Variants in DIPK1A observed in about 807,000 individuals in gnomAD.
DIPK1A encodes the protein divergent protein kinase domain 1A.
In DIPK1A, 27 loss-of-function variants were observed where a neutral mutation model predicts 40.8. The ratio of observed to expected loss-of-function variants is 0.66; its 90% confidence interval spans 0.49 to 0.91. The LOEUF (loss-of-function observed/expected upper bound fraction) is 0.91, where lower values mean the gene tolerates loss of function less well. Among genes scored for constraint, DIPK1A ranks in the 40% least tolerant of loss-of-function variants. The pLI is 0.00. For synonymous variants in DIPK1A, 166 were observed against 171.3 expected (o/e 0.97, Z 0.24); for missense variants, 412 against 505.7 (o/e 0.81, Z 1.78).
intron 2 of DIPK1A, among the ~76,000 whole-genome samples, chr1:92,873,357 G>A (rs1352315400): frequency 6.6e-6 from 1 of 152,180 alleles, no homozygotes; most frequent in East Asian, 1.9e-4. Context: ...CCTTACGCCT[G>A]TAATCCCAGC....
chr1:92,923,296 G>A (rs558087424), intron 1 of DIPK1A, among the ~76,000 whole-genome samples: 10 of 152,044 alleles, frequency 6.6e-5, no homozygotes, highest in East Asian at 5.8e-4. Context: ...CCACCACCAC[G>A]CCTGGGTAAT....
chr1:92,881,399 G>A (rs1648371446), intron 1 of DIPK1A, among the ~76,000 whole-genome samples: 1 of 150,402 alleles, frequency 6.6e-6, no homozygotes, highest in South Asian at 2.1e-4. Context: ...CTTTTTAAGA[G>A]GTGAATTTTA....
chr1:92,841,555 C>T (rs1416281493), downstream of DIPK1A, among the ~76,000 whole-genome samples: 1 of 152,048 alleles, frequency 6.6e-6, no homozygotes, highest in African/African-American at 2.4e-5. Flanking sequence ...ACTTTTGGCC[C>T]TATGGTAGTA....
intron 2 of DIPK1A, among the ~76,000 whole-genome samples, chr1:92,857,606 A>G (rs1256187775): frequency 6.6e-6 from 1 of 152,124 alleles, no homozygotes; most frequent in Non-Finnish European, 1.5e-5. Context: ...TACAGGAGTG[A>G]GCCACCGTGC....
intron 1 of DIPK1A, among the ~76,000 whole-genome samples, chr1:92,896,165 A>C (rs1181357031): frequency 2.0e-5 from 3 of 152,208 alleles, no homozygotes; most frequent in Non-Finnish European, 4.4e-5. Flanking sequence ...TTTAAAGTTC[A>C]TATGGAACCA....
intron 2 of DIPK1A, among the ~76,000 whole-genome samples, chr1:92,858,358 T>C (rs1281807395): frequency 6.6e-6 from 1 of 152,234 alleles, no homozygotes; most frequent in Non-Finnish European, 1.5e-5. Context: ...TCTAACATTA[T>C]TTGTGTCCAA....
intron 2 of DIPK1A, among the ~76,000 whole-genome samples, chr1:92,856,501 T>A (rs1317129457): frequency 6.6e-6 from 1 of 152,174 alleles, no homozygotes; most frequent in African/African-American, 2.4e-5. Context: ...CACTGCAACC[T>A]CCTCCTCCTG....
intron 1 of DIPK1A, among the ~76,000 whole-genome samples, chr1:92,892,447 G>C (rs912058205): frequency 3.9e-5 from 6 of 152,072 alleles, no homozygotes; most frequent in African/African-American, 9.7e-5. Context: ...GGTCCTAACT[G>C]TTAGAAGGAA....
chr1:92,916,300 TTC>T (rs1650050445), intron 1 of DIPK1A, among the ~76,000 whole-genome samples: 1 of 151,748 alleles, frequency 6.6e-6, no homozygotes, highest in African/African-American at 2.4e-5. Context: ...GATCCTTTTT[TTC>T]TTTTTTTTTT....
chr1:92,961,315 G>T, intron 1 of DIPK1A, 61 bp downstream of exon 1: 2 of 1,308,558 alleles, frequency 1.5e-6, no homozygotes, highest in Non-Finnish European at 2.1e-6. Flanking sequence ...GTCCTGCGCG[G>T]CGCGGCAGGG....
At chr1:92,892,386 C>T (rs542929551) in intron 1 of DIPK1A, among the ~76,000 whole-genome samples, 9 of 151,984 alleles carry the variant, frequency 5.9e-5, no homozygotes, top group East Asian at 3.9e-4. Context: ...GCTGCTGATA[C>T]CCAGGGTCTG....
At chr1:92,850,120 GCCA>G (rs1404957227) in intron 3 of DIPK1A, among the ~76,000 whole-genome samples, 13 of 151,984 alleles carry the variant, frequency 8.6e-5, no homozygotes, top group Admixed American at 8.5e-4. Context: ...ACAGGTGTGT[GCCA>G]CCACACCTGG....
intron 1 of DIPK1A, among the ~76,000 whole-genome samples, chr1:92,898,098 C>CA (rs1341991473): frequency 3.1e-4 from 5 of 16,038 alleles, no homozygotes; most frequent in African/African-American, 1.3e-3. Flanking sequence ...GACTCCATCT[C>CA]AAAAAAAACA....
intron 3 of DIPK1A, 27 bp downstream of exon 3, chr1:92,850,821 T>C: frequency 7.3e-7 from 1 of 1,365,732 alleles, no homozygotes; most frequent in South Asian, 1.3e-5. Flanking sequence ...ACTATAATTC[T>C]GGAATGTTTA....
At chr1:92,904,419 G>A (rs578071129) in intron 1 of DIPK1A, among the ~76,000 whole-genome samples, 2 of 152,192 alleles carry the variant, frequency 1.3e-5, no homozygotes, top group South Asian at 4.1e-4. Flanking sequence ...TAGGGTAATA[G>A]GTATCTGGTA....
chr1:92,838,033 G>A (rs2100689748), downstream of DIPK1A, among the ~76,000 whole-genome samples: 1 of 152,292 alleles, frequency 6.6e-6, no homozygotes, highest in East Asian at 1.9e-4. Context: ...TGATCACTGG[G>A]TCTGCGTGAT....
intron 2 of DIPK1A, among the ~76,000 whole-genome samples, chr1:92,866,997 G>C (rs1647575893): frequency 6.6e-6 from 1 of 152,070 alleles, no homozygotes; most frequent in African/African-American, 2.4e-5. Flanking sequence ...CAGACTGAAG[G>C]GCGGAACTTG....
intron 2 of DIPK1A, 33 bp downstream of exon 2, chr1:92,876,263 C>T: frequency 7.2e-7 from 1 of 1,391,876 alleles, no homozygotes; most frequent in Non-Finnish European, 9.6e-7. Context: ...TATGAAGAGG[C>T]TTTTTAGTAA....
chr1:92,842,519 T>A lies in DIPK1A; in HGVS notation c.*864A>T. On this transcript the variant is annotated 3_prime_UTR_variant, in exon 5 of 5. Coordinates refer to ENST00000370310, the MANE Select transcript of DIPK1A (RefSeq NM_001006605.5). ...AAATAAATACATTTACATGCCTCTT[T>A]AAGAAATAGCCCTTTGGCCCACAGG... is the stretch of plus-strand genomic sequence containing the variant. 2 of 983,004 alleles carry A rather than the reference T, an allele frequency of 2.0e-6. No homozygotes were observed. The highest frequency in any genetic ancestry group is 2.4e-6 in the Non-Finnish European group (2 of 827,718). 60.9% of individuals were successfully genotyped at this position (983,004 alleles called of 1,614,324 possible). A position where few individuals can be genotyped will look rare whatever the true frequency, so the allele number is the denominator to read the frequency against.
Sources: gnomAD v4.1 joint callset for allele counts (sites outside exome capture counted in the v4.1 genomes callset) on GRCh38, gnomAD v4.1.1 for gene constraint, MANE v1.5 for transcripts, NCBI Gene and HGNC (gene_info 2026-07-23, HGNC 2026-07-21) for gene names.